Variants in SHOC1 observed in about 807,000 individuals in gnomAD.
SHOC1 encodes the protein protein shortage in chiasmata 1 ortholog.
In SHOC1, 136 loss-of-function variants were observed where a neutral mutation model predicts 179.2. The observed-to-expected ratio is 0.76, with a 90% CI of 0.66 to 0.87. The LOEUF is 0.87. Ranked by LOEUF, SHOC1 falls within the 40% of genes least tolerant of loss-of-function variation. The probability of loss-of-function intolerance (pLI) is 0.00; values close to 1 mark genes in which losing one functional copy is unlikely to be tolerated. For synonymous variants in SHOC1, 489 were observed against 586.6 expected, an observed-to-expected ratio of 0.83 and a Z score of 2.41; for missense variants, 1,538 against 1,700.8, an observed-to-expected ratio of 0.90 and a Z score of 1.68.
At chr9:111,749,001 C>A (rs1834439613) in intron 8 of SHOC1, among the ~76,000 whole-genome samples, 2 of 124,852 alleles carry the variant, frequency 1.6e-5, no homozygotes, top group Admixed American at 1.7e-4. Context: ...TCCCTCCTTT[C>A]CTGCCTTCCT....
chr9:111,758,237 T>C (rs1329196003), intron 6 of SHOC1, 42 bp from the exon 7 acceptor site: 3 of 1,083,910 alleles, frequency 2.8e-6, no homozygotes, highest in Non-Finnish European at 4.0e-6. Flanking sequence ...TAAAAGCAAG[T>C]TACATACTAA....
chr9:111,787,358 A>G (rs1292376201), intron 2 of SHOC1, among the ~76,000 whole-genome samples: 2 of 152,244 alleles, frequency 1.3e-5, no homozygotes, highest in Non-Finnish European at 2.9e-5. Context: ...GATGCCATTA[A>G]GAACATTCGT....
chr9:111,735,248 A>G (rs113078266), intron 12 of SHOC1, among the ~76,000 whole-genome samples: 2,915 of 151,902 alleles, frequency 0.019, 85 homozygotes, highest in African/African-American at 0.067. Flanking sequence ...GGTTTGTTAC[A>G]TAGGTATATA....
At chr9:111,687,347 T>C (rs981150015) in intron 27 of SHOC1, among the ~76,000 whole-genome samples, 3 of 152,234 alleles carry the variant, frequency 2.0e-5, no homozygotes, top group African/African-American at 7.2e-5. Flanking sequence ...AAATAATAAC[T>C]ATTAAAAAGT....
At chr9:111,793,572 T>C (rs540101861) in intron 1 of SHOC1, among the ~76,000 whole-genome samples, 4 of 149,216 alleles carry the variant, frequency 2.7e-5, no homozygotes, top group Non-Finnish European at 6.0e-5. Context: ...GCAAAAACGA[T>C]ACATTGCTCT....
intron 24 of SHOC1, among the ~76,000 whole-genome samples, chr9:111,695,100 C>CA (rs2131320983): frequency 6.6e-6 from 1 of 152,118 alleles, no homozygotes; most frequent in South Asian, 2.1e-4. Flanking sequence ...TGTCAACCTT[C>CA]TTTTTCTGCT....
chr9:111,763,370 C>A (rs1315601976), intron 5 of SHOC1, among the ~76,000 whole-genome samples: 1 of 151,990 alleles, frequency 6.6e-6, no homozygotes, highest in East Asian at 1.9e-4. Flanking sequence ...CCACAAAGCA[C>A]ACGCCATTGT....
At chr9:111,706,506 A>G (rs2131359438) in intron 20 of SHOC1, 62 bp downstream of exon 20, 1 of 1,271,048 alleles carries the variant, frequency 7.9e-7, no homozygotes, top group Non-Finnish European at 1.1e-6. Context: ...TAAATCATAA[A>G]CAAAAAATAG....
chr9:111,695,244 T>C (rs539766256), intron 24 of SHOC1, among the ~76,000 whole-genome samples: 7 of 152,288 alleles, frequency 4.6e-5, no homozygotes, highest in Admixed American at 3.3e-4. Flanking sequence ...TCCTGTACTA[T>C]AGTGGAAATT....
chr9:111,743,980 CT>C (rs1369485466), intron 10 of SHOC1, among the ~76,000 whole-genome samples: 1 of 151,944 alleles, frequency 6.6e-6, no homozygotes, highest in East Asian at 1.9e-4. Context: ...ATTTGAAAGC[CT>C]TTTTTTTCTA....
intron 10 of SHOC1, among the ~76,000 whole-genome samples, chr9:111,745,658 C>T (rs558211851): frequency 1.2e-4 from 18 of 152,116 alleles, no homozygotes; most frequent in South Asian, 4.1e-4. Flanking sequence ...GAAACCAACC[C>T]GGCTGACACT....
intron 18 of SHOC1, among the ~76,000 whole-genome samples, chr9:111,712,342 A>G (rs1385516490): frequency 6.6e-6 from 1 of 152,214 alleles, no homozygotes; most frequent in African/African-American, 2.4e-5. Flanking sequence ...TTAGTAGATG[A>G]TAAGTGGTAG....
intron 12 of SHOC1, among the ~76,000 whole-genome samples, chr9:111,731,186 TA>T (rs1833550961): frequency 6.6e-6 from 1 of 152,216 alleles, no homozygotes; most frequent in South Asian, 2.1e-4. Context: ...CTCTCCATAT[TA>T]GCAATAAGAC....
intron 12 of SHOC1, among the ~76,000 whole-genome samples, chr9:111,734,124 A>G (rs1294672898): frequency 6.6e-6 from 1 of 152,182 alleles, no homozygotes; most frequent in East Asian, 1.9e-4. Flanking sequence ...CTATATATTT[A>G]ATTATACTGT....
At chr9:111,712,982 T>A (rs6477846) in intron 18 of SHOC1, 118 bp downstream of exon 18, 542,400 of 678,528 alleles carry the variant, frequency 0.8, 217,634 homozygotes, top group East Asian at 0.93. Context: ...ATACGCTTTC[T>A]AAGGGTGAAT....
At chr9:111,740,215 T>C (rs1208009336) in intron 11 of SHOC1, among the ~76,000 whole-genome samples, 1 of 152,230 alleles carries the variant, frequency 6.6e-6, no homozygotes, top group African/African-American at 2.4e-5. Flanking sequence ...CCCAGTTTTA[T>C]GTAGGGGTCC....
intron 26 of SHOC1, among the ~76,000 whole-genome samples, chr9:111,692,872 G>A (rs1050924957): frequency 6.6e-6 from 1 of 152,122 alleles, no homozygotes; most frequent in African/African-American, 2.4e-5. Context: ...TAGAATTAAG[G>A]GTATGTTAGG....
rs570585501 is a variant in SHOC1 at position 111,724,436 on chromosome 9, C to T, written c.1835-525G>A. Among the ~76,000 whole-genome samples the T allele has an allele frequency of 5.9e-5, 9 of 152,068 alleles. No individual in the cohort carries two copies. The East Asian group carries it at 1.5e-3, about 26-fold the overall frequency. The stretch of plus-strand genomic sequence containing the variant: ...CTCACTGCAGCCTTGACCTCTTGGG[C>T]TCAAGCAATCCTCCCACCTCAGCCT... On this transcript the variant is annotated intron_variant, in intron 13 of 27. Coordinates refer to ENST00000682961, the MANE Select transcript of SHOC1 (RefSeq NM_001378211.1).
intron 5 of SHOC1, among the ~76,000 whole-genome samples, chr9:111,761,162 G>T (rs375616856): frequency 6.6e-6 from 1 of 152,086 alleles, no homozygotes. Context: ...CTTGGAAAAA[G>T]ATTTTTATTC....
Sources: gnomAD v4.1 joint callset for allele counts (sites outside exome capture counted in the v4.1 genomes callset) on GRCh38, gnomAD v4.1.1 for gene constraint, MANE v1.5 for transcripts, NCBI Gene and HGNC (gene_info 2026-07-23, HGNC 2026-07-21) for gene names.